Variants in CNTN5 observed in about 807,000 individuals in gnomAD.
CNTN5 encodes contactin 5.
Under a neutral mutation model 129.1 loss-of-function variants are expected in CNTN5, and 77 were observed. That is an observed-to-expected ratio of 0.60 (90% CI 0.50 to 0.72). CNTN5 has a LOEUF of 0.72. Ranked by LOEUF, CNTN5 falls within the 30% of genes least tolerant of loss-of-function variation. The pLI, the probability that CNTN5 is intolerant of heterozygous loss-of-function variation, is 0.00. For synonymous variants in CNTN5, 509 were observed against 465.6 expected (o/e 1.09, Z -1.20); for missense variants, 1,478 against 1,328.8 (o/e 1.11, Z -1.75).
At chr11:99,114,157 C>G (rs1354787523) in intron 1 of CNTN5, among the ~76,000 whole-genome samples, 1 of 152,060 alleles carries the variant, frequency 6.6e-6, no homozygotes, top group African/African-American at 2.4e-5. Flanking sequence ...TTCATGATAC[C>G]TCTATGAATT....
At chr11:99,885,745 GACAAAAAATAT>G (rs1220471620) in intron 6 of CNTN5, among the ~76,000 whole-genome samples, 2 of 152,084 alleles carry the variant, frequency 1.3e-5, no homozygotes, top group East Asian at 3.9e-4. Context: ...AAAGAGATAA[GACAAAAAATAT>G]ATTAAGAATG....
intron 1 of CNTN5, among the ~76,000 whole-genome samples, chr11:99,214,262 A>T (rs972287933): frequency 6.6e-6 from 1 of 151,818 alleles, no homozygotes; most frequent in Non-Finnish European, 1.5e-5. Flanking sequence ...GTCCTGATAA[A>T]ACATGGAATT....
chr11:99,835,308 G>C (rs1947267618), intron 4 of CNTN5, among the ~76,000 whole-genome samples: 1 of 152,204 alleles, frequency 6.6e-6, no homozygotes. Flanking sequence ...AGGAATGAAT[G>C]ACTTGGATTT....
At chr11:99,183,291 T>A (rs1858173000) in intron 1 of CNTN5, among the ~76,000 whole-genome samples, 1 of 152,146 alleles carries the variant, frequency 6.6e-6, no homozygotes, top group African/African-American at 2.4e-5. Flanking sequence ...AAAGAATACA[T>A]GAAACTTAAT....
At chr11:99,406,523 C>A (rs1161656462) in intron 2 of CNTN5, among the ~76,000 whole-genome samples, 1 of 152,054 alleles carries the variant, frequency 6.6e-6, no homozygotes, top group Non-Finnish European at 1.5e-5. Flanking sequence ...GGTATTGAGT[C>A]TCACCCAAGG....
intron 21 of CNTN5, chr11:100,309,513 C>A: frequency 5.1e-6 from 5 of 971,018 alleles, no homozygotes; most frequent in Non-Finnish European, 6.1e-6. Flanking sequence ...TTTCTACAAT[C>A]TTGCTTCAAT....
chr11:99,334,398 A>G (rs1157023658), intron 2 of CNTN5, among the ~76,000 whole-genome samples: 1 of 152,128 alleles, frequency 6.6e-6, no homozygotes, highest in African/African-American at 2.4e-5. Flanking sequence ...AGGTGGGAGG[A>G]TGTGGTGATG....
At chr11:99,054,746 AG>A (rs1864563313) in intron 1 of CNTN5, among the ~76,000 whole-genome samples, 1 of 151,878 alleles carries the variant, frequency 6.6e-6, no homozygotes, top group African/African-American at 2.4e-5. Flanking sequence ...ATCCCCAAGT[AG>A]AAGGCTCAAG....
intron 13 of CNTN5, among the ~76,000 whole-genome samples, chr11:100,154,929 C>T (rs1233360431): frequency 6.6e-6 from 1 of 152,116 alleles, no homozygotes; most frequent in South Asian, 2.1e-4. Context: ...AGCCCTTTGT[C>T]GGATGGGTAG....
chr11:100,144,735 A>T (rs1267057230), intron 13 of CNTN5, among the ~76,000 whole-genome samples: 3 of 148,680 alleles, frequency 2.0e-5, no homozygotes, highest in Non-Finnish European at 3.0e-5. Flanking sequence ...GGAGTGAGGA[A>T]TTTTTTTTTT....
Position 99,819,593 on chromosome 11 carries a change from A to G in CNTN5, c.105A>G (p.Leu35=). The G allele has an allele frequency of 6.2e-7, 1 of 1,612,926 alleles. No homozygotes were observed. Among genetic ancestry groups the G allele is most frequent in the Middle Eastern group, 1.6e-4 (1 of 6,062 alleles). ...PGLSTSYAAL[L]RIKKSSSSSL... ...TCTCCACTTCATATGCTGCTTTGTT[A>G]AGAATTAAGAAGAGTTCATCTTCAT... is the stretch of plus-strand genomic sequence containing the variant. Residue 35 remains leucine (L), a synonymous_variant, in exon 4 of 25, where the codon TTA becomes TTG. Coordinates refer to ENST00000524871, the MANE Select transcript of CNTN5 (RefSeq NM_014361.4).
At chr11:99,970,812 A>C (rs1951229261) in intron 8 of CNTN5, among the ~76,000 whole-genome samples, 1 of 152,182 alleles carries the variant, frequency 6.6e-6, no homozygotes, top group Non-Finnish European at 1.5e-5. Flanking sequence ...ATAGAGATAA[A>C]GGGGATGGAT....
chr11:99,712,218 T>G (rs976553612), intron 3 of CNTN5, among the ~76,000 whole-genome samples: 2 of 152,222 alleles, frequency 1.3e-5, no homozygotes, highest in African/African-American at 2.4e-5. Context: ...TTTGCATTTC[T>G]CTAATGACCA....
intron 17 of CNTN5, among the ~76,000 whole-genome samples, chr11:100,266,941 C>T (rs1950315796): frequency 2.0e-5 from 3 of 151,932 alleles, no homozygotes; most frequent in African/African-American, 7.3e-5. Context: ...ATGAACAACA[C>T]CAAATAAATA....
intron 1 of CNTN5, among the ~76,000 whole-genome samples, chr11:99,314,747 A>G (rs1238899054): frequency 7.8e-6 from 1 of 128,530 alleles, no homozygotes; most frequent in Non-Finnish European, 1.8e-5. Context: ...AAGAGAGGGG[A>G]GGAGAAAGAA....
chr11:100,086,143 G>T (rs900136674), intron 13 of CNTN5, among the ~76,000 whole-genome samples: 18 of 151,752 alleles, frequency 1.2e-4, no homozygotes, highest in Non-Finnish European at 1.2e-4. Flanking sequence ...TAACTTAGTA[G>T]CCAAGAGGTA....
intron 3 of CNTN5, among the ~76,000 whole-genome samples, chr11:99,770,935 G>T (rs972306265): frequency 1.3e-5 from 2 of 152,020 alleles, no homozygotes; most frequent in African/African-American, 4.8e-5. Context: ...AATCAAAAGA[G>T]TATGGTACTG....
chr11:99,837,201 T>C (rs150761165), intron 4 of CNTN5, among the ~76,000 whole-genome samples: 29 of 152,342 alleles, frequency 1.9e-4, no homozygotes, highest in African/African-American at 5.8e-4. Flanking sequence ...CTGATGATGA[T>C]ATACAGTTCA....
At chr11:99,764,854 G>A (rs1037372216) in intron 3 of CNTN5, among the ~76,000 whole-genome samples, 1 of 152,132 alleles carries the variant, frequency 6.6e-6, no homozygotes, top group Non-Finnish European at 1.5e-5. Context: ...TATGGCTGTA[G>A]CATCCTTATT....
Sources: allele counts gnomAD v4.1 joint callset (sites outside exome capture counted in the v4.1 genomes callset), GRCh38; gene constraint gnomAD v4.1.1; transcripts MANE v1.5; gene names NCBI Gene and HGNC (gene_info 2026-07-23, HGNC 2026-07-21).